The following MAP2K2 variants were observed in gnomAD, a reference collection of about 807,000 sequenced individuals.
MAP2K2 encodes the protein mitogen-activated protein kinase kinase 2.
MAP2K2 carries 24 observed loss-of-function variants against 43.7 expected under a neutral mutation model. The observed-to-expected ratio is 0.55, with a 90% CI of 0.40 to 0.77. MAP2K2 has a LOEUF of 0.77. Among genes scored for constraint, MAP2K2 ranks in the 30% least tolerant of loss-of-function variants. The pLI is 0.00. For missense variants in MAP2K2, 470 were observed against 566.8 expected (o/e 0.83, Z 1.73); for synonymous variants, 244 against 239.7 (o/e 1.02, Z -0.17).
At position 4,121,801 on chromosome 19, in the gene MAP2K2, C is replaced by T. The variant is rs1295321692; in HGVS notation, c.92+1983G>A. ...CACCCCTAAGACACCCCCTTGTCCT[C>T]AGATACCCCAGAACTCCCACCCTGA... On this transcript the variant is annotated intron_variant, in intron 1 of 10. Transcript: ENST00000262948. Among the ~76,000 whole-genome samples the T allele has an allele frequency of 6.8e-5, 4 of 58,638 alleles. 1 individual carries two copies. The highest frequency in any genetic ancestry group is 6.2e-4 in the East Asian group (1 of 1,602). 38.5% of individuals were successfully genotyped at this position (58,638 alleles called of 152,430 possible).
At chr19:4,105,312 A>G (rs1469921219) in intron 3 of MAP2K2, among the ~76,000 whole-genome samples, 2 of 150,522 alleles carry the variant, frequency 1.3e-5, no homozygotes, top group South Asian at 2.1e-4. Context: ...TCTGTTGCCC[A>G]GGCGGGGGTG....
At chr19:4,103,101 G>A (rs895166209) in intron 3 of MAP2K2, 191 of 1,012,840 alleles carry the variant, frequency 1.9e-4, no homozygotes, top group Non-Finnish European at 2.2e-4. Context: ...GGGCCAGGGG[G>A]TGCATGGACT....
Position 4,110,644 on chromosome 19 carries a change from A to G in MAP2K2, c.315T>C (p.Leu105=), listed in dbSNP as rs761590887. 6.2e-7 allele frequency: 1 copy of G among 1,610,302 alleles called. No homozygotes were observed. The highest frequency in any genetic ancestry group is 8.5e-7 in the Non-Finnish European group (1 of 1,177,502). The part of the protein sequence containing the change: ...GLIMARKLIH[L]EIKPAIRNQI... ...GGTTCCGGATGGCCGGCTTGATCTC[A>G]AGGTGGATCAGCTGCAAGGGGAGAG... Residue 105 remains leucine (L), a synonymous_variant, in exon 3 of 11, where the codon CTT becomes CTC. Coordinates refer to ENST00000262948, the MANE Select transcript of MAP2K2 (RefSeq NM_030662.4).
chr19:4,106,751 G>A (rs2041089887), intron 3 of MAP2K2, among the ~76,000 whole-genome samples: 1 of 152,204 alleles, frequency 6.6e-6, no homozygotes, highest in Non-Finnish European at 1.5e-5. Context: ...TACATGAATA[G>A]TGTTGTACTG....
intron 9 of MAP2K2, chr19:4,094,928 G>T (rs535478104): frequency 6.6e-5 from 24 of 361,536 alleles, no homozygotes; most frequent in African/African-American, 4.6e-4. Flanking sequence ...TGTGGGCAGC[G>T]GGGTGTCCGC....
rs374119774 is a variant in MAP2K2, at chr19:4,099,310, G to A, written c.810C>T (p.Pro270=). 53 of 1,607,510 alleles carry A rather than the reference G, an allele frequency of 3.3e-5. No homozygotes were observed. Among genetic ancestry groups the A allele is most frequent in the Non-Finnish European group, 4.2e-5 (49 of 1,177,370 alleles). The part of the protein sequence containing the change: ...LAVGRYPIPP[P]DAKELEAIFG... ...AGATGGCCTCCAGCTCTTTGGCGTC[G>A]GGCGGGGGGATGGGGTACCTTCCGA... The change falls in exon 7 of 11, where the codon CCC becomes CCT. Residue 270 remains proline (P), a synonymous_variant. Transcript: ENST00000262948.
intron 1 of MAP2K2, among the ~76,000 whole-genome samples, chr19:4,119,601 A>G (rs771446925): frequency 1.8e-4 from 27 of 152,266 alleles, no homozygotes; most frequent in Non-Finnish European, 3.2e-4. Flanking sequence ...ATGAAAAATG[A>G]ATGAATGTTT....
rs866862003 is a variant in MAP2K2 at position 4,117,628 on chromosome 19, C to A, written c.94G>T (p.Ala32Ser). The A allele has an allele frequency of 6.2e-7, 1 of 1,613,842 alleles. No homozygotes were observed. The highest frequency in any genetic ancestry group is 8.5e-7 in the Non-Finnish European group (1 of 1,179,996). Residue 32 changes from alanine (A) to serine (S), a missense_variant and splice_region_variant, in exon 2 of 11, where the codon GCA becomes TCA. Ala to Ser is a moderately conservative substitution (Grantham distance 99, BLOSUM62 1). This residue lies in a region of MAP2K2 where 58 missense variants were observed against 48.0 expected (regional missense o/e 1.21). Transcript: ENST00000262948. ...PSPTSEGASE[A>S]NLVDLQKKLE... is the part of the protein sequence containing the mutation. ...TTCTTCTGCAGGTCCACCAGGTTTG[C>A]CCTGCAGAGACCCCCCAGGGTAGGG...
At chr19:4,098,043 T>C (rs2040946125) in intron 7 of MAP2K2, among the ~76,000 whole-genome samples, 1 of 152,072 alleles carries the variant, frequency 6.6e-6, no homozygotes, top group Admixed American at 6.5e-5. Context: ...AAAATCTCCT[T>C]CTCACAGCCC....
Position 4,105,155 on chromosome 19 carries a change from C to CGTGTGTGTGTGT in MAP2K2, c.451-2714_451-2703dup, listed in dbSNP as rs61710801. Reference sequence around the variant, plus strand: ...TCTGTGCATGACCATACACGTCTACCGTGTGTGTGTGTGTGTGTGTGTGTG... The same window carrying CGTGTGTGTGTGT: ...TCTGTGCATGACCATACACGTCTACCGTGTGTGTGTGTGTGTGTGTGTGTGTGTGTGTGTGTG... On this transcript the variant is annotated intron_variant, in intron 3 of 10. Transcript: ENST00000262948. Among the ~76,000 whole-genome samples, 593 of 137,736 alleles carry CGTGTGTGTGTGT rather than the reference C, an allele frequency of 4.3e-3. 8 individuals carry two copies. Among genetic ancestry groups the CGTGTGTGTGTGT allele is most frequent in the African/African-American group, 0.017 (565 of 33,914 alleles). 90.4% of individuals were successfully genotyped at this position (137,736 alleles called of 152,430 possible). A position where few individuals can be genotyped will look rare whatever the true frequency, so the allele number is the denominator to read the frequency against.
rs548217248 is a variant in MAP2K2, at chr19:4,092,841, G to A, written c.1092+1612C>T. 1.7e-3 allele frequency among the ~76,000 whole-genome samples: 256 copies of A among 152,182 alleles called. 3 individuals are homozygous for A. The highest frequency in any genetic ancestry group is 1.6e-3 in the Non-Finnish European group (108 of 68,038). On this transcript the variant is annotated intron_variant, in intron 10 of 10. Coordinates refer to ENST00000262948, the MANE Select transcript of MAP2K2 (RefSeq NM_030662.4). The stretch of plus-strand genomic sequence containing the variant: ...AATCCCAGCCCTCTGGGAGGCCAAG[G>A]TGGGAGAATCATTTGAGCCCAGGAG...
At position 4,102,472 on chromosome 19, in the gene MAP2K2, G is replaced by T. The variant is rs754710131; in HGVS notation, c.451-19C>A. ...CGCCGTCCTAGAGGGCACACAAGGA[G>T]TGAGTGCAGGCTCTGCGCAGGTGGC... On this transcript the variant is annotated intron_variant, in intron 3 of 10. Coordinates refer to ENST00000262948, the MANE Select transcript of MAP2K2 (RefSeq NM_030662.4). 51 of 1,557,820 alleles carry T rather than the reference G, an allele frequency of 3.3e-5. No individual in the cohort carries two copies. Among genetic ancestry groups the T allele is most frequent in the Non-Finnish European group, 2.2e-5 (25 of 1,141,082 alleles).
chr19:4,105,480 G>A (rs1365332048), intron 3 of MAP2K2, among the ~76,000 whole-genome samples: 1 of 151,988 alleles, frequency 6.6e-6, no homozygotes, highest in Non-Finnish European at 1.5e-5. Context: ...ACTGGTGTTA[G>A]CCAGGATGGT....
At chr19:4,107,546 A>G (rs997780754) in intron 3 of MAP2K2, among the ~76,000 whole-genome samples, 2 of 138,778 alleles carry the variant, frequency 1.4e-5, no homozygotes, top group South Asian at 2.4e-4. Flanking sequence ...AAAAAAAAAA[A>G]CAAACTTAAA....
chr19:4,105,203 T>A (rs1035956626), intron 3 of MAP2K2, among the ~76,000 whole-genome samples: 5 of 135,542 alleles, frequency 3.7e-5, no homozygotes, highest in African/African-American at 7.9e-5. Context: ...TGTGTGTGTG[T>A]GATGTTTAAA....
intron 9 of MAP2K2, 114 bp from the exon 10 acceptor site, chr19:4,094,612 C>G: frequency 1.0e-6 from 1 of 994,644 alleles, no homozygotes; most frequent in Admixed American, 2.0e-5. Flanking sequence ...GCCTGGATCT[C>G]TCCGACCAGA....
At chr19:4,093,602 T>C (rs1318908494) in intron 10 of MAP2K2, among the ~76,000 whole-genome samples, 7 of 151,842 alleles carry the variant, frequency 4.6e-5, no homozygotes, top group Non-Finnish European at 1.0e-4. Context: ...GACTGGAGAA[T>C]TGTGTGAGCC....
At chr19:4,123,592 TC>T (rs1333173084) in intron 1 of MAP2K2, among the ~76,000 whole-genome samples, 191 bp downstream of exon 1, 1 of 57,922 alleles carries the variant, frequency 1.7e-5, no homozygotes, top group African/African-American at 7.7e-5. Flanking sequence ...CCCTGCCCCG[TC>T]CTCCCCCGAG....
intron 3 of MAP2K2, among the ~76,000 whole-genome samples, chr19:4,105,241 G>A (rs1028724673): frequency 6.7e-6 from 1 of 148,984 alleles, no homozygotes; most frequent in African/African-American, 2.5e-5. Context: ...ATTTTGTTAC[G>A]TAGGTAGTAG....
Sources: allele counts gnomAD v4.1 joint callset (sites outside exome capture counted in the v4.1 genomes callset), GRCh38; gene constraint gnomAD v4.1.1; regional missense constraint gnomAD v4.1.1; transcripts MANE v1.5; gene names NCBI Gene and HGNC (gene_info 2026-07-23, HGNC 2026-07-21).